DCP2: variants seen among roughly 807,000 people sequenced by gnomAD.
DCP2 encodes decapping mRNA 2, also known as m7GpppN-mRNA hydrolase.
A neutral mutation model predicts 56.1 loss-of-function variants in DCP2; 30 were observed. The ratio of observed to expected loss-of-function variants is 0.53; its 90% CI spans 0.40 to 0.73. The LOEUF is 0.73. Among genes scored for constraint, DCP2 ranks in the 30% least tolerant of loss-of-function variants. The probability of loss-of-function intolerance (pLI) is 0.00; values close to 1 mark genes in which losing one functional copy is unlikely to be tolerated. For missense variants in DCP2, 533 were observed against 502.7 expected, an observed-to-expected ratio of 1.06 and a Z score of -0.58; for synonymous variants, 197 against 163.3, an observed-to-expected ratio of 1.21 and a Z score of -1.57.
chr5:112,981,853 C>T (rs1748022454), intron 1 of DCP2, among the ~76,000 whole-genome samples: 1 of 152,172 alleles, frequency 6.6e-6, no homozygotes, highest in South Asian at 2.1e-4. Flanking sequence ...TCACTGCAAC[C>T]CGTGTCTCCT....
intron 1 of DCP2, among the ~76,000 whole-genome samples, chr5:112,983,325 T>TA (rs1436783083): frequency 6.6e-6 from 1 of 152,188 alleles, no homozygotes; most frequent in Non-Finnish European, 1.5e-5. Flanking sequence ...CTCTGACAGT[T>TA]AAAATTTCAG....
chr5:112,982,730 C>CT, intron 1 of DCP2, among the ~76,000 whole-genome samples: 1 of 152,184 alleles, frequency 6.6e-6, no homozygotes, highest in East Asian at 1.9e-4. Context: ...AAGGAATACT[C>CT]TTTTAAATTT....
chr5:112,987,620 C>CCTTTTT (rs1748356511), intron 2 of DCP2, among the ~76,000 whole-genome samples: 3 of 69,726 alleles, frequency 4.3e-5, no homozygotes, highest in African/African-American at 1.9e-4. Flanking sequence ...ACCTAGGTGC[C>CCTTTTT]TTTTTTTTTT....
At chr5:113,007,140 T>A (rs963465469) in intron 8 of DCP2, among the ~76,000 whole-genome samples, 19 of 151,526 alleles carry the variant, frequency 1.3e-4, no homozygotes, top group Admixed American at 3.3e-4. Flanking sequence ...AAAAAAAAAA[T>A]AATAGTAATC....
At chr5:113,011,191 G>T (rs1749667331) in intron 10 of DCP2, among the ~76,000 whole-genome samples, 1 of 152,150 alleles carries the variant, frequency 6.6e-6, no homozygotes, top group Non-Finnish European at 1.5e-5. Context: ...ACATTTTGGG[G>T]AGGTAATCAC....
In DCP2 at chr5:113,016,986, C is replaced by T. The variant is rs1749915725; in HGVS notation, c.*3502C>T. On this transcript the variant is annotated 3_prime_UTR_variant, in exon 11 of 11. Transcript: ENST00000389063. Reference sequence around the variant, plus strand: ...CCTCCCAAGTAGCTGGGATTACAGGCATGCGCCACCACGCCCTGCTAATTC... The same window carrying T: ...CCTCCCAAGTAGCTGGGATTACAGGTATGCGCCACCACGCCCTGCTAATTC... 6.6e-6 allele frequency: 1 copy of T among 152,200 alleles called. No homozygotes were observed. Among genetic ancestry groups the T allele is most frequent in the Admixed American group, 6.6e-5 (1 of 15,258 alleles). 9.4% of individuals were successfully genotyped at this position (152,200 alleles called of 1,614,324 possible). A position where few individuals can be genotyped will look rare whatever the true frequency, so the allele number is the denominator to read the frequency against.
intron 8 of DCP2, among the ~76,000 whole-genome samples, chr5:113,005,151 G>GGTGTGTGTGTGTGTGT (rs56389236): frequency 0.077 from 11,481 of 149,436 alleles, 544 homozygotes; most frequent in Non-Finnish European, 0.11. Flanking sequence ...TGTGCGTGTG[G>GGTGTGTGTGTGTGTGT]GTGTGTGTGT....
At chr5:113,008,718 T>A (rs1184536392) in intron 9 of DCP2, among the ~76,000 whole-genome samples, 2 of 152,248 alleles carry the variant, frequency 1.3e-5, no homozygotes, top group African/African-American at 4.8e-5. Flanking sequence ...CTCATTTGAC[T>A]ACTTTACCTT....
rs1284071775 is a variant in DCP2 at position 113,021,399 on chromosome 5, A to C, written c.*7915A>C. On this transcript the variant is annotated 3_prime_UTR_variant, in exon 11 of 11. Transcript: ENST00000389063. ...ACAAAAAACAACCAAAAAAAAAAAA[A>C]AAAAACCCCCAGGAAGAAATATTGT... 6.6e-6 allele frequency among the ~76,000 whole-genome samples: 1 copy of C among 151,666 alleles called. No individual in the cohort carries two copies. The highest frequency in any genetic ancestry group is 6.6e-5 in the Admixed American group (1 of 15,242).
At position 113,001,209 on chromosome 5, in the gene DCP2, T is replaced by C. The variant is rs761986554; in HGVS notation, c.558T>C (p.Phe186=). 22 of 1,613,326 alleles carry C rather than the reference T, an allele frequency of 1.4e-5. No homozygotes were observed. The highest frequency in any genetic ancestry group is 1.8e-5 in the Non-Finnish European group (21 of 1,179,856). ...IIPGIPKDTK[F]NPKTRREIRN... is the part of the protein sequence containing the mutation. ...CAGGAATTCCAAAAGACACAAAATT[T>C]AACCCAAAAACTAGAAGAGAAATTC... Residue 186 remains phenylalanine (F), a synonymous_variant, in exon 5 of 11, where the codon TTT becomes TTC. Transcript: ENST00000389063.
chr5:112,999,480 C>T (rs957451157), intron 4 of DCP2, among the ~76,000 whole-genome samples: 2 of 151,980 alleles, frequency 1.3e-5, no homozygotes, highest in East Asian at 1.9e-4. Flanking sequence ...AGGCATGCGC[C>T]ACCCCGCCTG....
At chr5:113,013,285 T>C (rs1438643881) in intron 10 of DCP2, 36 bp from the exon 11 acceptor site, 1 of 1,590,396 alleles carries the variant, frequency 6.3e-7, no homozygotes, top group Non-Finnish European at 8.6e-7. Context: ...TTACTAAGGT[T>C]ACTGAGCTTA....
intron 9 of DCP2, among the ~76,000 whole-genome samples, chr5:113,009,159 T>A (rs1749572509): frequency 6.6e-6 from 1 of 152,232 alleles, no homozygotes; most frequent in Non-Finnish European, 1.5e-5. Context: ...GATAACTTAT[T>A]GATAATATTG....
chr5:112,986,014 A>T, intron 2 of DCP2, 28 bp downstream of exon 2: 1 of 1,488,072 alleles, frequency 6.7e-7, no homozygotes, highest in Non-Finnish European at 9.1e-7. Flanking sequence ...ATAATGACTG[A>T]CTTTCTTGTT....
At chr5:112,987,369 G>T (rs1239263141) in intron 2 of DCP2, among the ~76,000 whole-genome samples, 1 of 152,158 alleles carries the variant, frequency 6.6e-6, no homozygotes, top group Non-Finnish European at 1.5e-5. Flanking sequence ...CATAATAGCA[G>T]ATATGGTTGG....
intron 1 of DCP2, among the ~76,000 whole-genome samples, chr5:112,978,087 C>T (rs1747805619): frequency 6.6e-6 from 1 of 152,142 alleles, no homozygotes; most frequent in South Asian, 2.1e-4. Context: ...AAACGAGTCT[C>T]TGCCTCAGCC....
At chr5:113,004,195 C>T (rs898802130) in intron 8 of DCP2, 118 bp downstream of exon 8, 1 of 1,121,726 alleles carries the variant, frequency 8.9e-7, no homozygotes, top group African/African-American at 1.6e-5. Context: ...CTGATCAAAG[C>T]CTGTATGTTC....
intron 2 of DCP2, among the ~76,000 whole-genome samples, chr5:112,989,747 A>G (rs1748494838): frequency 6.6e-6 from 1 of 152,212 alleles, no homozygotes; most frequent in Non-Finnish European, 1.5e-5. Flanking sequence ...TTCTCCGTAT[A>G]GGGGTATTTT....
At chr5:112,998,112 A>G (rs543286080) in intron 4 of DCP2, among the ~76,000 whole-genome samples, 13 of 152,298 alleles carry the variant, frequency 8.5e-5, no homozygotes, top group Admixed American at 7.8e-4. Flanking sequence ...TTTTCCTGGC[A>G]AATATTTGAT....
Sources: allele counts gnomAD v4.1 joint callset (sites outside exome capture counted in the v4.1 genomes callset), GRCh38; gene constraint gnomAD v4.1.1; transcripts MANE v1.5; gene names NCBI Gene and HGNC (gene_info 2026-07-23, HGNC 2026-07-21).